Variants in PRDM10 observed in about 807,000 individuals in gnomAD.
PRDM10 encodes the protein PR/SET domain 10.
A neutral mutation model predicts 133.1 loss-of-function variants in PRDM10; 65 were observed. The ratio of observed to expected loss-of-function variants is 0.49; its 90% CI spans 0.40 to 0.60. The LOEUF (loss-of-function observed/expected upper bound fraction) is 0.60, where lower values mean the gene tolerates loss of function less well. PRDM10 is among the 20% of genes least tolerant of loss of function. The pLI, the probability that PRDM10 is intolerant of heterozygous loss-of-function variation, is 0.00. For missense variants in PRDM10, 1,137 were observed against 1,507.1 expected (o/e 0.75, Z 4.07); for synonymous variants, 582 against 580.4 (o/e 1.00, Z -0.04).
chr11:129,947,916 C>A lies in PRDM10; in HGVS notation c.295-546G>T, dbSNP rs771629358. 213 of 398,968 alleles carry A rather than the reference C, an allele frequency of 5.3e-4. No homozygotes were observed. Among genetic ancestry groups the A allele is most frequent in the Non-Finnish European group, 8.4e-4 (169 of 200,670 alleles). 24.7% of individuals were successfully genotyped at this position (398,968 alleles called of 1,614,324 possible). A position where few individuals can be genotyped will look rare whatever the true frequency, so the allele number is the denominator to read the frequency against. On this transcript the variant is annotated intron_variant, in intron 4 of 20. Transcript: ENST00000360871. The surrounding 1 kb of genome is among the most constrained non-coding windows in gnomAD (Gnocchi z 4.6). ...GCCTTTCCAGAGTAGCCATACCACA[C>A]TGGAGGGGGTAAATGAGTTGACCTA...
At chr11:129,994,294 T>C (rs1938918082) in intron 1 of PRDM10, among the ~76,000 whole-genome samples, 1 of 151,280 alleles carries the variant, frequency 6.6e-6, no homozygotes, top group Non-Finnish European at 1.5e-5. Flanking sequence ...ACCCCATCTC[T>C]ACTAAAAAAA....
At chr11:129,954,940 T>G (rs1046803100) in intron 4 of PRDM10, among the ~76,000 whole-genome samples, 4 of 152,240 alleles carry the variant, frequency 2.6e-5, no homozygotes, top group African/African-American at 9.6e-5. Context: ...ATTATAGGCA[T>G]GAGCCTCTGT....
chr11:129,944,294 G>C (rs369370493), intron 6 of PRDM10, among the ~76,000 whole-genome samples: 2 of 152,018 alleles, frequency 1.3e-5, no homozygotes, highest in Non-Finnish European at 2.9e-5. Flanking sequence ...ACGCCTTCAG[G>C]CACTAAAATT....
In PRDM10 at chr11:129,915,660, C is replaced by T. The variant is rs1950334892; in HGVS notation, c.2526G>A (p.Lys842=). ...AGCTTTAGTCAGAAACTCCCCCTAC[C>T]TTGCTGCTGTACTGCTTGGAGCAGT... The part of the protein sequence containing the change: ...CPHCSKQYSS[K]TKMVQHIRKK... The change falls in exon 16 of 21, where the codon AAG becomes AAA. Residue 842 remains lysine, a splice_region_variant and synonymous_variant. Transcript: ENST00000360871. The T allele has an allele frequency of 6.4e-7, 1 of 1,569,610 alleles. No individual in the cohort carries two copies. Among genetic ancestry groups the T allele is most frequent in the Admixed American group, 2.0e-5 (1 of 50,334 alleles).
intron 2 of PRDM10, 124 bp from the exon 3 acceptor site, chr11:129,958,034 AC>A: frequency 8.9e-7 from 1 of 1,123,678 alleles, no homozygotes; most frequent in Non-Finnish European, 1.3e-6. Flanking sequence ...CTTTGTCTAC[AC>A]CGAGGTGGTG....
At chr11:130,001,814 G>A (rs1021745904) in intron 1 of PRDM10, among the ~76,000 whole-genome samples, 4 of 152,012 alleles carry the variant, frequency 2.6e-5, no homozygotes, top group Admixed American at 6.6e-5. Context: ...GACCGGCCTC[G>A]CCCTGCCTCT....
chr11:129,998,564 T>C (rs1226289825), intron 1 of PRDM10, among the ~76,000 whole-genome samples: 1 of 152,206 alleles, frequency 6.6e-6, no homozygotes, highest in Non-Finnish European at 1.5e-5. Flanking sequence ...TCACCACATT[T>C]TAACTAGTCT....
Position 129,960,895 on chromosome 11 carries a change from C to G in PRDM10, c.69+1G>C. ...CCAAGCTGGAAAAGACCAGTCTTCA[C>G]CTGTGCGGCATTCTGTTCATGCTCT... On this transcript the variant is annotated splice_donor_variant, in intron 2 of 20. Transcript: ENST00000360871. LOFTEE classifies it high-confidence loss of function. The G allele has an allele frequency of 6.2e-7, 1 of 1,614,150 alleles. No homozygotes were observed. The highest frequency in any genetic ancestry group is 8.5e-7 in the Non-Finnish European group (1 of 1,180,020).
intron 1 of PRDM10, among the ~76,000 whole-genome samples, chr11:129,974,445 G>T (rs1937643358): frequency 6.6e-6 from 1 of 152,110 alleles, no homozygotes; most frequent in Admixed American, 6.5e-5. Context: ...GAGTGGGAGT[G>T]GGGAAGAGTC....
At chr11:129,985,455 T>A (rs1031088725) in intron 1 of PRDM10, among the ~76,000 whole-genome samples, 1 of 151,996 alleles carries the variant, frequency 6.6e-6, no homozygotes. Context: ...CCACACAAAA[T>A]CAAAACCAGT....
intron 16 of PRDM10, among the ~76,000 whole-genome samples, chr11:129,915,457 G>A (rs889288402): frequency 6.6e-6 from 1 of 152,222 alleles, no homozygotes; most frequent in Admixed American, 6.5e-5. Flanking sequence ...CTGCTGTACG[G>A]CACTAATTCT....
At position 129,931,151 on chromosome 11, in the gene PRDM10, T is replaced by G; in HGVS notation, c.1395A>C (p.Pro465=). ...GTTCCAGGGAAGACTGGGTTTCCTG[T>G]GGCAGCTGAGGGATTGGGATAGTGG... is the stretch of plus-strand genomic sequence containing the variant. ...EQTTIPIPQL[P]QETQSSLEHE... The change falls in exon 11 of 21, where the codon CCA becomes CCC. Residue 465 remains proline (P), a synonymous_variant. Transcript: ENST00000360871. The G allele has an allele frequency of 6.2e-7, 1 of 1,614,198 alleles. No homozygotes were observed. The highest frequency in any genetic ancestry group is 8.5e-7 in the Non-Finnish European group (1 of 1,180,026).
chr11:130,001,176 CCCAA>C (rs1939348379), intron 1 of PRDM10, among the ~76,000 whole-genome samples: 1 of 151,442 alleles, frequency 6.6e-6, no homozygotes, highest in African/African-American at 2.4e-5. Context: ...CTGCTTTGCC[CCCAA>C]CCAATCCTAA....
At chr11:129,930,270 T>C (rs1950811807) in intron 11 of PRDM10, among the ~76,000 whole-genome samples, 1 of 152,204 alleles carries the variant, frequency 6.6e-6, no homozygotes, top group African/African-American at 2.4e-5. Flanking sequence ...GCCATAAACA[T>C]GGGTTGTAAG....
intron 1 of PRDM10, among the ~76,000 whole-genome samples, chr11:130,001,732 G>C (rs1050145822): frequency 2.0e-5 from 3 of 152,212 alleles, no homozygotes; most frequent in Non-Finnish European, 4.4e-5. Context: ...CCTAGCTGCA[G>C]GGTTAAACCT....
At chr11:129,972,433 A>G (rs1952053319) in intron 1 of PRDM10, among the ~76,000 whole-genome samples, 1 of 152,258 alleles carries the variant, frequency 6.6e-6, no homozygotes. Context: ...AATTTGTGAG[A>G]CTGAAAATTC....
intron 13 of PRDM10, among the ~76,000 whole-genome samples, chr11:129,919,252 A>AG (rs895588414): frequency 6.6e-6 from 1 of 152,180 alleles, no homozygotes; most frequent in Non-Finnish European, 1.5e-5. Flanking sequence ...ACGTAATCCC[A>AG]GCTACTCAGG....
intron 18 of PRDM10, among the ~76,000 whole-genome samples, chr11:129,910,967 G>A (rs1950172515): frequency 1.3e-5 from 2 of 152,080 alleles, no homozygotes; most frequent in Admixed American, 1.3e-4. Flanking sequence ...GTAGAGAAGG[G>A]GTTTCTCCAG....
intron 6 of PRDM10, among the ~76,000 whole-genome samples, chr11:129,943,126 C>T (rs557967202): frequency 6.6e-6 from 1 of 152,322 alleles, no homozygotes; most frequent in South Asian, 2.1e-4. Flanking sequence ...TTCACCCCTT[C>T]CCACTGCCCT....
Sources: gnomAD v4.1 joint callset for allele counts (sites outside exome capture counted in the v4.1 genomes callset) on GRCh38, gnomAD v4.1.1 for gene constraint, Gnocchi (gnomAD v3.1) non-coding constraint, MANE v1.5 for transcripts, NCBI Gene and HGNC (gene_info 2026-07-23, HGNC 2026-07-21) for gene names.